Variants in ANXA9 observed in about 807,000 individuals in gnomAD.
The protein encoded by ANXA9 is annexin 31.
ANXA9 carries 47 observed loss-of-function variants against 51.8 expected under a neutral mutation model. The ratio of observed to expected loss-of-function variants is 0.91; its 90% CI spans 0.72 to 1.16. ANXA9 has a LOEUF of 1.16. Ranked by LOEUF, ANXA9 falls within the 50% of genes most tolerant of loss-of-function variation. The pLI, the probability that ANXA9 is intolerant of heterozygous loss-of-function variation, is 0.00. For synonymous variants in ANXA9, 154 were observed against 168.7 expected, an observed-to-expected ratio of 0.91 and a Z score of 0.68; for missense variants, 361 against 424.7, an observed-to-expected ratio of 0.85 and a Z score of 1.32.
At position 150,987,891 on chromosome 1, in the gene ANXA9, G is replaced by T; in HGVS notation, c.632G>T (p.Gly211Val). The T allele has an allele frequency of 6.2e-7, 1 of 1,614,056 alleles. No individual in the cohort carries two copies. The highest frequency in any genetic ancestry group is 8.5e-7 in the Non-Finnish European group (1 of 1,179,994). ...QDVQALQRAEGPSREETWVPV... is the reference protein window; with the variant it reads ...QDVQALQRAEVPSREETWVPV... ...TCCTAGGCACTGCAGCGGGCAGAAG[G>T]ACCTAGCAGAGAGGAAACATGGGTC... The change falls in exon 10 of 14, where the codon GGA becomes GTA. Residue 211 changes from glycine (G) to valine (V), a missense_variant. By Grantham distance (109) the Gly-to-Val change is moderately radical. Transcript: ENST00000368947.
chr1:150,983,957 G>C lies in ANXA9; in HGVS notation c.173-18G>C, dbSNP rs1671485374. The C allele has an allele frequency of 6.2e-7, 1 of 1,607,586 alleles. No individual in the cohort carries two copies. Among genetic ancestry groups the C allele is most frequent in the African/African-American group, 1.3e-5 (1 of 74,764 alleles). ...ATGTAAAGACCCTGCTCACAGCACA[G>C]CCCTCATCTCGGTTCAGGCGTGGAC... is the stretch of plus-strand genomic sequence containing the variant. On this transcript the variant is annotated intron_variant, in intron 4 of 13. Coordinates refer to ENST00000368947, the MANE Select transcript of ANXA9 (RefSeq NM_003568.3).
At position 150,984,402 on chromosome 1, in the gene ANXA9, G is replaced by A. The variant is rs1571687732; in HGVS notation, c.381+8G>A. 2.5e-6 allele frequency: 4 copies of A among 1,613,802 alleles called. No individual in the cohort carries two copies. The highest frequency in any genetic ancestry group is 2.2e-5 in the East Asian group (1 of 44,882). ...TTGAGGACAGCTCTGAAGGTAGCAG[G>A]AGGGGAGACTTGCTGGGGTGTCTGG... On this transcript the variant is annotated splice_region_variant and intron_variant, in intron 6 of 13. Coordinates refer to ENST00000368947, the MANE Select transcript of ANXA9 (RefSeq NM_003568.3).
Position 150,986,405 on chromosome 1 carries a change from CCCTGGCCAAGGTGAGGAGGACTGA to C in ANXA9, c.547_552+18del. ...GGCATCTTGCAGGACCTGCTGTTGG[CCCTGGCCAAGGTGAGGAGGACTGA>C]CCTGCAAGGAAGGGAGTCACGTTCA... is the stretch of plus-strand genomic sequence containing the variant. On this transcript the variant is annotated splice_donor_variant and splice_donor_5th_base_variant and coding_sequence_variant and intron_variant, in exon 8 of 14. Transcript: ENST00000368947. LOFTEE classifies it high-confidence loss of function. 6.2e-7 allele frequency: 1 copy of C among 1,614,008 alleles called. No homozygotes were observed. The highest frequency in any genetic ancestry group is 8.5e-7 in the Non-Finnish European group (1 of 1,179,914).
intron 9 of ANXA9, 99 bp downstream of exon 9, chr1:150,986,760 G>A (rs750769128): frequency 5.4e-5 from 67 of 1,229,988 alleles, no homozygotes; most frequent in Middle Eastern, 4.2e-4. Flanking sequence ...CATTTTTCCC[G>A]CAAACCCATC....
intron 7 of ANXA9, 84 bp downstream of exon 7, chr1:150,984,760 A>T: frequency 8.4e-7 from 1 of 1,195,616 alleles, no homozygotes; most frequent in Non-Finnish European, 1.2e-6. Context: ...CCCATAGGTG[A>T]GCTATCTGGC....
At chr1:150,983,831 T>G in intron 4 of ANXA9, 144 bp from the exon 5 acceptor site, 53 of 791,048 alleles carry the variant, frequency 6.7e-5, no homozygotes, top group Non-Finnish European at 9.2e-5. Flanking sequence ...CAACTTCTTT[T>G]GAGATAAAAT....
chr1:150,986,477 G>A, intron 8 of ANXA9, 62 bp downstream of exon 8: 6 of 1,587,782 alleles, frequency 3.8e-6, no homozygotes, highest in Non-Finnish European at 5.2e-6. Context: ...ACACGCTGGA[G>A]CAGGGAGCAT....
upstream of ANXA9, among the ~76,000 whole-genome samples, chr1:150,977,899 G>T (rs957276411): frequency 6.6e-6 from 1 of 152,226 alleles, no homozygotes; most frequent in Non-Finnish European, 1.5e-5. Context: ...ACTTTGGGAG[G>T]CCGAGGTGGG....
chr1:150,986,828 G>A (rs587606543), intron 9 of ANXA9, among the ~76,000 whole-genome samples, 167 bp downstream of exon 9: 14 of 152,262 alleles, frequency 9.2e-5, no homozygotes, highest in African/African-American at 2.6e-4. Flanking sequence ...GTCAGGTAGC[G>A]TCATAGCTGA....
intron 12 of ANXA9, among the ~76,000 whole-genome samples, chr1:150,992,979 G>A (rs1289561168): frequency 6.6e-6 from 1 of 152,100 alleles, no homozygotes; most frequent in African/African-American, 2.4e-5. Flanking sequence ...TAGACATTAG[G>A]TCCACTGACA....
chr1:150,994,478 C>T, intron 12 of ANXA9, 99 bp from the exon 13 acceptor site: 1 of 1,554,486 alleles, frequency 6.4e-7, no homozygotes, highest in Non-Finnish European at 8.7e-7. Context: ...TTGACTCCCA[C>T]CTTGCCTCCC....
chr1:150,984,109 G>A (rs781430856), intron 5 of ANXA9, 40 bp downstream of exon 5: 1 of 1,589,342 alleles, frequency 6.3e-7, no homozygotes, highest in Non-Finnish European at 8.6e-7. Context: ...GGACTGGGGT[G>A]AGAAACCCCC....
Position 150,984,245 on chromosome 1 carries a change from C to T in ANXA9, c.268-36C>T. The T allele has an allele frequency of 1.9e-6, 3 of 1,596,790 alleles. 1 individual carries two copies. The highest frequency in any genetic ancestry group is 2.2e-5 in the South Asian group (2 of 90,674). On this transcript the variant is annotated intron_variant, in intron 5 of 13. Transcript: ENST00000368947. The stretch of plus-strand genomic sequence containing the variant: ...CACACTTCTGGGGCCCTTCCCCTCA[C>T]CCCCGTCCCTCTGCTGTGAGGACCA...
At chr1:150,986,509 A>G in intron 8 of ANXA9, 93 bp from the exon 9 acceptor site, 1 of 1,574,822 alleles carries the variant, frequency 6.3e-7, no homozygotes, top group Non-Finnish European at 8.7e-7. Context: ...AATGGACAAG[A>G]GAGGGCTTTA....
rs1319252920 is a variant in ANXA9 at position 150,994,581 on chromosome 1, CTG to C, written c.858_859del (p.Glu287AlafsTer15). On this transcript the variant is annotated frameshift_variant, in exon 13 of 14. Transcript: ENST00000368947. LOFTEE classifies it high-confidence loss of function. ...ATCTCTTTCTTCCCCTACTAGGAAA[CTG>C]AGCCCAATTACCAAGTCCTGATTCG... is the stretch of plus-strand genomic sequence containing the variant. 1.9e-6 allele frequency: 3 copies of C among 1,613,844 alleles called. No individual in the cohort carries two copies. Among genetic ancestry groups the C allele is most frequent in the Non-Finnish European group, 2.5e-6 (3 of 1,179,796 alleles).
chr1:150,994,465 C>T, intron 12 of ANXA9, 112 bp from the exon 13 acceptor site: 1 of 1,504,120 alleles, frequency 6.6e-7, no homozygotes, highest in Non-Finnish European at 9.1e-7. Context: ...ACACTCTTAT[C>T]CCTTGACTCC....
upstream of ANXA9, among the ~76,000 whole-genome samples, chr1:150,979,004 A>G (rs587696607): frequency 5.9e-5 from 9 of 152,040 alleles, no homozygotes; most frequent in African/African-American, 2.2e-4. Context: ...GATCCTCTCT[A>G]AGATTTCCTC....
chr1:150,988,446 C>G (rs1358578744), intron 12 of ANXA9, 105 bp downstream of exon 12: 2 of 1,359,038 alleles, frequency 1.5e-6, no homozygotes, highest in African/African-American at 2.9e-5. Context: ...GTCTAAACCT[C>G]AAGCCGCTCT....
Position 150,988,008 on chromosome 1 carries a change from C to T in ANXA9, c.697+52C>T, listed in dbSNP as rs1270240154. The T allele has an allele frequency of 4.3e-6, 7 of 1,613,478 alleles. No individual in the cohort carries two copies. The East Asian group carries it at 1.1e-4, about 26-fold the overall frequency. On this transcript the variant is annotated intron_variant, in intron 10 of 13. Transcript: ENST00000368947. Reference sequence around the variant, plus strand: ...AGCTTGCTCTAATGATCAGTTTGGGCTGAGGAAGGTGGGGAGGGCCCATCC... The same window carrying T: ...AGCTTGCTCTAATGATCAGTTTGGGTTGAGGAAGGTGGGGAGGGCCCATCC...
Sources: gnomAD v4.1 joint callset for allele counts (sites outside exome capture counted in the v4.1 genomes callset) on GRCh38, gnomAD v4.1.1 for gene constraint, MANE v1.5 for transcripts, NCBI Gene and HGNC (gene_info 2026-07-23, HGNC 2026-07-21) for gene names.